Variants in STRBP observed in about 807,000 individuals in gnomAD.
The protein encoded by STRBP is spermatid perinuclear RNA binding protein, also known as spermatid perinuclear RNA-binding protein.
Under a neutral mutation model 80.1 loss-of-function variants are expected in STRBP, and 13 were observed. That is an observed-to-expected ratio of 0.16 (90% confidence interval 0.11 to 0.26). STRBP has a LOEUF of 0.26. Among genes scored for constraint, STRBP ranks in the 10% least tolerant of loss-of-function variants. The pLI is 1.00. For missense variants in STRBP, 485 were observed against 815.2 expected (o/e 0.59, Z 4.93); for synonymous variants, 284 against 291.2 (o/e 0.98, Z 0.25).
chr9:123,228,722 T>C (rs2040315272), intron 2 of STRBP, among the ~76,000 whole-genome samples: 1 of 152,144 alleles, frequency 6.6e-6, no homozygotes, highest in Non-Finnish European at 1.5e-5. Flanking sequence ...ATGAAGAAAC[T>C]TGAACTCTGG....
intron 5 of STRBP, among the ~76,000 whole-genome samples, chr9:123,170,612 C>A (rs189543630): frequency 3.9e-5 from 6 of 152,324 alleles, no homozygotes; most frequent in Admixed American, 3.9e-4. Flanking sequence ...CCTTCTCCGA[C>A]AACAGGTCTC....
chr9:123,147,537 C>T (rs990698224), intron 12 of STRBP, among the ~76,000 whole-genome samples: 8 of 151,896 alleles, frequency 5.3e-5, no homozygotes, highest in Non-Finnish European at 1.2e-4. Flanking sequence ...CTTAGCAGGG[C>T]GTGGTGGCAC....
intron 2 of STRBP, among the ~76,000 whole-genome samples, chr9:123,221,580 G>A (rs745332656): frequency 6.6e-5 from 10 of 152,218 alleles, no homozygotes; most frequent in East Asian, 1.9e-4. Flanking sequence ...TACATTTGCT[G>A]TATCTCTGTG....
intron 2 of STRBP, among the ~76,000 whole-genome samples, chr9:123,226,122 T>A (rs1054859888): frequency 6.6e-6 from 1 of 152,150 alleles, no homozygotes; most frequent in Non-Finnish European, 1.5e-5. Flanking sequence ...TACATGCAAT[T>A]ACACAGATGC....
In STRBP at chr9:123,136,907, G is replaced by A. The variant is rs891700087; in HGVS notation, c.1498-392C>T. On this transcript the variant is annotated intron_variant, in intron 14 of 18. Coordinates refer to ENST00000348403, the MANE Select transcript of STRBP (RefSeq NM_018387.5). This position sits in a 1 kb window ranked among gnomAD's most constrained non-coding sequence, Gnocchi z 4.2. ...CATCATTTTTCTTCTTTAGGGTTAGGAAGAAATAACTCTCAATTTGGGATG... is the reference window on the plus strand; with the variant it reads ...CATCATTTTTCTTCTTTAGGGTTAGAAAGAAATAACTCTCAATTTGGGATG... Among the ~76,000 whole-genome samples the A allele has an allele frequency of 1.3e-5, 2 of 152,160 alleles. No homozygotes were observed. The highest frequency in any genetic ancestry group is 2.9e-5 in the Non-Finnish European group (2 of 68,028).
intron 1 of STRBP, among the ~76,000 whole-genome samples, chr9:123,258,047 A>G (rs1271504668): frequency 2.0e-5 from 3 of 152,140 alleles, no homozygotes; most frequent in African/African-American, 7.2e-5. Flanking sequence ...TTCAAGGCGC[A>G]TAATATTCCA....
intron 2 of STRBP, among the ~76,000 whole-genome samples, chr9:123,231,465 C>T (rs2040395961): frequency 6.6e-6 from 1 of 152,190 alleles, no homozygotes. Context: ...AATCCTTAAA[C>T]AGTACCCTCA....
At chr9:123,153,979 A>G (rs141729649) in intron 11 of STRBP, among the ~76,000 whole-genome samples, 2 of 152,300 alleles carry the variant, frequency 1.3e-5, no homozygotes, top group East Asian at 3.9e-4. Flanking sequence ...GAAGCTGATG[A>G]CCTGGAAGTC....
intron 2 of STRBP, among the ~76,000 whole-genome samples, chr9:123,193,853 A>G (rs1395357013): frequency 6.6e-6 from 1 of 152,164 alleles, no homozygotes; most frequent in East Asian, 1.9e-4. Flanking sequence ...GCCACACCAC[A>G]TCATTAACCA....
intron 1 of STRBP, among the ~76,000 whole-genome samples, chr9:123,241,809 G>A (rs1047683429): frequency 6.6e-6 from 1 of 152,072 alleles, no homozygotes; most frequent in Non-Finnish European, 1.5e-5. Context: ...TCTCCATACA[G>A]CAACCTTTTC....
chr9:123,126,763 A>G lies in STRBP; in HGVS notation c.1943-1090T>C, dbSNP rs532253208. ...CCAAGCGGCAGATGTTTTGGCACTTATACAAGACATAGTACAGTGAGTCTA... is the reference window on the plus strand; with the variant it reads ...CCAAGCGGCAGATGTTTTGGCACTTGTACAAGACATAGTACAGTGAGTCTA... On this transcript the variant is annotated intron_variant, in intron 18 of 18. Coordinates refer to ENST00000348403, the MANE Select transcript of STRBP (RefSeq NM_018387.5). This position sits in a 1 kb window ranked among gnomAD's most constrained non-coding sequence, Gnocchi z 4.4. 2.6e-4 allele frequency among the ~76,000 whole-genome samples: 39 copies of G among 152,374 alleles called. No homozygotes were observed. Among genetic ancestry groups the G allele is most frequent in the Middle Eastern group, 3.4e-3 (1 of 294 alleles).
In STRBP at chr9:123,169,394, C is replaced by T. The variant is rs139833540; in HGVS notation, c.535+508G>A. Among the ~76,000 whole-genome samples, 11 of 152,214 alleles carry T rather than the reference C, an allele frequency of 7.2e-5. No homozygotes were observed. The East Asian group carries it at 2.1e-3, about 29-fold the overall frequency. On this transcript the variant is annotated intron_variant, in intron 6 of 18. Transcript: ENST00000348403. ...CCAAGTTGGCCAGGTTGGTCTTGAA[C>T]TCCTGGCCTCAAGCAATCCACACAC...
intron 2 of STRBP, among the ~76,000 whole-genome samples, chr9:123,214,298 G>GT (rs1170156862): frequency 6.6e-6 from 1 of 151,946 alleles, no homozygotes; most frequent in African/African-American, 2.4e-5. Flanking sequence ...ACCAAACATC[G>GT]TATGTTCTCA....
At chr9:123,161,209 G>C (rs896015253) in intron 6 of STRBP, 141 bp from the exon 7 acceptor site, 3 of 632,430 alleles carry the variant, frequency 4.7e-6, no homozygotes, top group Non-Finnish European at 8.0e-6. Context: ...TCATTTGGCT[G>C]TGTTGCTTTT....
intron 1 of STRBP, among the ~76,000 whole-genome samples, chr9:123,257,719 G>T (rs769454905): frequency 2.0e-5 from 3 of 152,242 alleles, no homozygotes; most frequent in South Asian, 4.2e-4. Flanking sequence ...TCAGCAGACT[G>T]AATGGGAGGA....
intron 2 of STRBP, among the ~76,000 whole-genome samples, chr9:123,201,330 T>C (rs2132509631): frequency 6.6e-6 from 1 of 152,330 alleles, no homozygotes; most frequent in South Asian, 2.1e-4. Flanking sequence ...TCTGAAATTC[T>C]GATGTAGGCA....
At chr9:123,173,167 T>C (rs1267160536) in intron 5 of STRBP, among the ~76,000 whole-genome samples, 1 of 152,186 alleles carries the variant, frequency 6.6e-6, no homozygotes, top group Non-Finnish European at 1.5e-5. Flanking sequence ...TTTTTCTAAA[T>C]GCATCCCAGT....
At chr9:123,188,876 A>G (rs1009671991) in intron 2 of STRBP, among the ~76,000 whole-genome samples, 3 of 152,234 alleles carry the variant, frequency 2.0e-5, no homozygotes, top group Non-Finnish European at 4.4e-5. Context: ...TACTAATATA[A>G]GCCACCTAAA....
intron 1 of STRBP, among the ~76,000 whole-genome samples, chr9:123,251,283 G>A (rs185672174): frequency 2.7e-4 from 41 of 152,060 alleles, no homozygotes; most frequent in Admixed American, 1.1e-3. Context: ...GAGAACGGAC[G>A]GCACTTACTG....
Sources: gnomAD v4.1 joint callset for allele counts (sites outside exome capture counted in the v4.1 genomes callset) on GRCh38, gnomAD v4.1.1 for gene constraint, Gnocchi (gnomAD v3.1) non-coding constraint, MANE v1.5 for transcripts, NCBI Gene and HGNC (gene_info 2026-07-23, HGNC 2026-07-21) for gene names.